SEMA6D: variants seen among roughly 807,000 people sequenced by gnomAD.
SEMA6D encodes the protein semaphorin-6D.
In SEMA6D, 35 loss-of-function variants were observed where a neutral mutation model predicts 106.6. The ratio of observed to expected loss-of-function variants is 0.33; its 90% CI spans 0.25 to 0.44. The LOEUF (loss-of-function observed/expected upper bound fraction) is 0.44. SEMA6D is among the 20% of genes least tolerant of loss of function. SEMA6D has a pLI of 1.00. For missense variants in SEMA6D, 1,185 were observed against 1,345.9 expected (o/e 0.88, Z 1.87); for synonymous variants, 499 against 487.7 (o/e 1.02, Z -0.31).
At chr15:47,521,394 A>G (rs1449921320) in intron 3 of SEMA6D, among the ~76,000 whole-genome samples, 2 of 152,164 alleles carry the variant, frequency 1.3e-5, no homozygotes, top group African/African-American at 4.8e-5. Context: ...CCCCTTCCCC[A>G]AATTCTGGAC....
intron 3 of SEMA6D, among the ~76,000 whole-genome samples, chr15:47,580,765 C>A (rs946562644): frequency 2.6e-5 from 4 of 152,292 alleles, no homozygotes; most frequent in Non-Finnish European, 5.9e-5. Flanking sequence ...GTGGAGCAAA[C>A]AAATGCTATC....
At chr15:47,420,469 G>C (rs1345759064) in intron 2 of SEMA6D, among the ~76,000 whole-genome samples, 1 of 151,884 alleles carries the variant, frequency 6.6e-6, no homozygotes, top group Non-Finnish European at 1.5e-5. Context: ...AATGTCTCTG[G>C]AAATACTGCC....
intron 3 of SEMA6D, among the ~76,000 whole-genome samples, chr15:47,570,506 C>G (rs1473443570): frequency 1.3e-5 from 2 of 152,166 alleles, no homozygotes; most frequent in African/African-American, 4.8e-5. Flanking sequence ...ATATCTTTGA[C>G]TGAAAAAGAA....
intron 1 of SEMA6D, among the ~76,000 whole-genome samples, chr15:47,297,848 A>G (rs1451899540): frequency 6.6e-6 from 1 of 152,080 alleles, no homozygotes; most frequent in Non-Finnish European, 1.5e-5. Flanking sequence ...ATGGGGTGAT[A>G]GTTTCATGCA....
chr15:47,228,452 A>C (rs1376386936), intron 1 of SEMA6D, among the ~76,000 whole-genome samples: 1 of 132,826 alleles, frequency 7.5e-6, no homozygotes, highest in Non-Finnish European at 1.6e-5. Context: ...TCTGTCCCAG[A>C]ACCAATAAGC....
intron 1 of SEMA6D, among the ~76,000 whole-genome samples, chr15:47,236,734 A>G (rs1332703896): frequency 6.6e-6 from 1 of 152,168 alleles, no homozygotes; most frequent in Non-Finnish European, 1.5e-5. Context: ...AAAAGGGAAT[A>G]AGAAAAAGCT....
intron 1 of SEMA6D, among the ~76,000 whole-genome samples, chr15:47,253,688 C>G (rs546866025): frequency 5.3e-5 from 8 of 152,138 alleles, no homozygotes; most frequent in African/African-American, 1.9e-4. Context: ...TCTGAGTTCT[C>G]TATTCTATCC....
At chr15:47,604,465 G>A (rs989803614) in intron 4 of SEMA6D, among the ~76,000 whole-genome samples, 5 of 152,302 alleles carry the variant, frequency 3.3e-5, no homozygotes, top group Admixed American at 3.3e-4. Context: ...ACTAAACAGG[G>A]ATATGCTAAT....
intron 3 of SEMA6D, among the ~76,000 whole-genome samples, chr15:47,517,924 GCCCACCCTGA>G (rs1244193576): frequency 6.6e-6 from 1 of 152,054 alleles, no homozygotes; most frequent in Non-Finnish European, 1.5e-5. Context: ...GAGTCATTTG[GCCCACCCTGA>G]CCCACTGTTT....
intron 3 of SEMA6D, among the ~76,000 whole-genome samples, chr15:47,492,799 T>A (rs1041428380): frequency 2.0e-4 from 30 of 152,144 alleles, no homozygotes; most frequent in Non-Finnish European, 3.7e-4. Flanking sequence ...AGCACAGTAT[T>A]ACAATAACCT....
At chr15:47,728,940 T>G (rs1034719082) in intron 1 of SEMA6D, among the ~76,000 whole-genome samples, 1 of 152,200 alleles carries the variant, frequency 6.6e-6, no homozygotes, top group Non-Finnish European at 1.5e-5. Context: ...TTAATATCCA[T>G]TACTTAATTA....
chr15:47,770,214 T>C (rs485173), intron 18 of SEMA6D, among the ~76,000 whole-genome samples: 111,347 of 152,094 alleles, frequency 0.73, 42,244 homozygotes, highest in African/African-American at 0.93. Context: ...TCTTACATTT[T>C]TAACATGTAA....
intron 1 of SEMA6D, among the ~76,000 whole-genome samples, chr15:47,270,042 G>C (rs1021864873): frequency 5.3e-5 from 8 of 150,886 alleles, no homozygotes; most frequent in South Asian, 2.1e-4. Flanking sequence ...ACGTTTCATA[G>C]TTTCTAGATT....
chr15:47,562,049 T>C (rs761064422), intron 3 of SEMA6D, among the ~76,000 whole-genome samples: 7 of 152,022 alleles, frequency 4.6e-5, no homozygotes, highest in African/African-American at 7.2e-5. Context: ...ATATTATTAA[T>C]GTAAAGCTAC....
At chr15:47,722,409 G>T (rs73394829) in intron 1 of SEMA6D, among the ~76,000 whole-genome samples, 2 of 152,214 alleles carry the variant, frequency 1.3e-5, no homozygotes, top group South Asian at 4.2e-4. Flanking sequence ...AACACGCGAT[G>T]TACCTAAATA....
chr15:47,742,342 C>T (rs980454718), intron 1 of SEMA6D, among the ~76,000 whole-genome samples: 2 of 152,114 alleles, frequency 1.3e-5, no homozygotes, highest in Admixed American at 6.5e-5. Context: ...GCATCCTTCC[C>T]TCATCTCAGA....
intron 1 of SEMA6D, among the ~76,000 whole-genome samples, chr15:47,244,160 A>G (rs555083299): frequency 4.7e-4 from 71 of 152,232 alleles, no homozygotes; most frequent in African/African-American, 1.5e-3. Context: ...AACATTGGGA[A>G]GGGCCATAAG....
At chr15:47,736,352 A>T (rs1170357367) in intron 1 of SEMA6D, among the ~76,000 whole-genome samples, 1 of 152,232 alleles carries the variant, frequency 6.6e-6, no homozygotes, top group Admixed American at 6.5e-5. Context: ...GAATTGCAGA[A>T]TCACCCTTAT....
chr15:47,428,892 TAGAAA>T (rs1368040705), intron 2 of SEMA6D, among the ~76,000 whole-genome samples: 4 of 143,948 alleles, frequency 2.8e-5, no homozygotes, highest in Non-Finnish European at 6.0e-5. Context: ...ATTGGATAAA[TAGAAA>T]AGAAAAGAAG....
Sources: allele counts gnomAD v4.1 joint callset (sites outside exome capture counted in the v4.1 genomes callset), GRCh38; gene constraint gnomAD v4.1.1; transcripts MANE v1.5; gene names NCBI Gene and HGNC (gene_info 2026-07-23, HGNC 2026-07-21).